The following LRRC3B variants were observed in gnomAD, a reference collection of about 807,000 sequenced individuals.
The protein encoded by LRRC3B is leucine-rich repeat-containing protein 3B.
In LRRC3B, 2 loss-of-function variants were observed where a neutral mutation model predicts 12.8. The observed-to-expected ratio is 0.16, with a 90% CI of 0.06 to 0.49. The LOEUF (loss-of-function observed/expected upper bound fraction) is 0.49, where lower values mean the gene tolerates loss of function less well. Ranked by LOEUF, LRRC3B falls within the 20% of genes least tolerant of loss-of-function variation. The pLI is 0.96. For synonymous variants in LRRC3B, 132 were observed against 122.0 expected (o/e 1.08, Z -0.54); for missense variants, 189 against 319.4 (o/e 0.59, Z 3.11).
intron 1 of LRRC3B, among the ~76,000 whole-genome samples, chr3:26,654,795 G>T (rs1699336670): frequency 6.6e-6 from 1 of 152,128 alleles, no homozygotes; most frequent in Non-Finnish European, 1.5e-5. Context: ...ACTGGAGAAA[G>T]AATATTTTGT....
intron 1 of LRRC3B, among the ~76,000 whole-genome samples, chr3:26,676,847 T>C (rs1699870947): frequency 6.6e-6 from 1 of 152,222 alleles, no homozygotes; most frequent in South Asian, 2.1e-4. Context: ...CCAAATGTCA[T>C]TTCATTTTTA....
chr3:26,630,247 A>G (rs964503714), intron 1 of LRRC3B, among the ~76,000 whole-genome samples: 1 of 152,168 alleles, frequency 6.6e-6, no homozygotes, highest in Admixed American at 6.5e-5. Flanking sequence ...TCTTTCTCAC[A>G]TATCAGAGTG....
exon 2 of LRRC3B, chr3:26,709,743 T>C: frequency 2.5e-6 from 4 of 1,614,156 alleles, no homozygotes; most frequent in Non-Finnish European, 3.4e-6. Context: ...TTTGTTCTTA[T>C]GATACTGTGC....
intron 1 of LRRC3B, among the ~76,000 whole-genome samples, chr3:26,700,050 T>C (rs535629570): frequency 6.6e-6 from 1 of 152,140 alleles, no homozygotes; most frequent in South Asian, 2.1e-4. Context: ...TAGGAAGGAG[T>C]TAATGTATTC....
At chr3:26,638,159 A>ATGAC in intron 1 of LRRC3B, among the ~76,000 whole-genome samples, 1 of 152,330 alleles carries the variant, frequency 6.6e-6, no homozygotes, top group East Asian at 1.9e-4. Context: ...TCATGGCTGA[A>ATGAC]TGACTGCCAA....
chr3:26,653,247 GA>G (rs1699302353), intron 1 of LRRC3B, among the ~76,000 whole-genome samples: 1 of 152,140 alleles, frequency 6.6e-6, no homozygotes, highest in South Asian at 2.1e-4. Context: ...AGGAATTAAT[GA>G]AAGGAAAATG....
intron 1 of LRRC3B, among the ~76,000 whole-genome samples, chr3:26,655,404 A>T (rs1699353104): frequency 6.6e-6 from 1 of 152,174 alleles, no homozygotes. Flanking sequence ...CTATATCTTG[A>T]GTTACTTGCA....
intron 1 of LRRC3B, among the ~76,000 whole-genome samples, chr3:26,636,614 T>TA (rs79096995): frequency 0.01 from 1,513 of 147,454 alleles, 24 homozygotes; most frequent in African/African-American, 0.032. Flanking sequence ...TTTTTTAGTG[T>TA]AAAAAAAAAA....
At chr3:26,693,376 ACCTTTTGGAGAAG>A (rs1377777932) in intron 1 of LRRC3B, among the ~76,000 whole-genome samples, 3 of 151,748 alleles carry the variant, frequency 2.0e-5, no homozygotes, top group East Asian at 3.9e-4. Context: ...AACATGCAAG[ACCTTTTGGAGAAG>A]CCTAGGATCA....
At chr3:26,709,750 G>A (rs774504186) in exon 2 of LRRC3B, 3 of 1,613,946 alleles carry the variant, frequency 1.9e-6, no homozygotes, top group East Asian at 2.2e-5. Context: ...TTATGATACT[G>A]TGCTTTCATT....
chr3:26,655,805 A>G (rs1031014880), intron 1 of LRRC3B, among the ~76,000 whole-genome samples: 2 of 152,180 alleles, frequency 1.3e-5, no homozygotes, highest in Non-Finnish European at 2.9e-5. Flanking sequence ...TGTCTGTCAT[A>G]TGCCAGGTAC....
At chr3:26,645,002 A>C (rs1028305860) in intron 1 of LRRC3B, among the ~76,000 whole-genome samples, 5 of 152,184 alleles carry the variant, frequency 3.3e-5, no homozygotes, top group Non-Finnish European at 7.4e-5. Flanking sequence ...ATACATACAT[A>C]TATGCATAGA....
intron 1 of LRRC3B, among the ~76,000 whole-genome samples, chr3:26,688,155 A>C (rs989089370): frequency 2.0e-5 from 3 of 152,264 alleles, no homozygotes; most frequent in Non-Finnish European, 4.4e-5. Context: ...ATGTGAACCC[A>C]TGAATTACGT....
chr3:26,685,507 CTCTCTCTCTCTCTCTCTATATATATATA>C (rs1372891621), intron 1 of LRRC3B, among the ~76,000 whole-genome samples: 1 of 50,042 alleles, frequency 2.0e-5, no homozygotes, highest in Non-Finnish European at 3.8e-5. Flanking sequence ...CTCTCTCTCT[CTCTCTCTCTCTCTCTCTATATATATATA>C]TATATATATA....
At chr3:26,676,873 G>A (rs1416227516) in intron 1 of LRRC3B, among the ~76,000 whole-genome samples, 1 of 152,176 alleles carries the variant, frequency 6.6e-6, no homozygotes, top group Non-Finnish European at 1.5e-5. Flanking sequence ...GCACATCCAT[G>A]AACACTGATC....
intron 1 of LRRC3B, among the ~76,000 whole-genome samples, chr3:26,671,373 T>TATATATAGAGAGAGAGAGAG (rs1261897533): frequency 3.2e-4 from 9 of 28,250 alleles, no homozygotes; most frequent in African/African-American, 4.4e-4. Flanking sequence ...TATATATATA[T>TATATATAGAGAGAGAGAGAG]AGAGAGAGAG....
chr3:26,708,027 C>T (rs77691337), intron 1 of LRRC3B, among the ~76,000 whole-genome samples: 2,737 of 152,316 alleles, frequency 0.018, 39 homozygotes, highest in Non-Finnish European at 0.03. Flanking sequence ...CAATCCAGAT[C>T]ATTATGTTTT....
chr3:26,690,124 G>A (rs1700161001), intron 1 of LRRC3B, among the ~76,000 whole-genome samples: 1 of 152,202 alleles, frequency 6.6e-6, no homozygotes, highest in African/African-American at 2.4e-5. Context: ...TTGTTGAGCT[G>A]AATATGGGTA....
intron 1 of LRRC3B, among the ~76,000 whole-genome samples, chr3:26,659,800 G>A (rs917108615): frequency 1.4e-4 from 22 of 152,114 alleles, no homozygotes; most frequent in Non-Finnish European, 2.8e-4. Context: ...TCATTCCTAG[G>A]TTCTGAGAAA....
Sources: allele counts gnomAD v4.1 joint callset (sites outside exome capture counted in the v4.1 genomes callset), GRCh38; gene constraint gnomAD v4.1.1; transcripts MANE v1.5; gene names NCBI Gene and HGNC (gene_info 2026-07-23, HGNC 2026-07-21).